Variants in EIF3E observed in about 807,000 individuals in gnomAD.
EIF3E encodes the protein eIF-3 p48.
A neutral mutation model predicts 59.3 loss-of-function variants in EIF3E; 25 were observed. That is an observed-to-expected ratio of 0.42 (90% CI 0.31 to 0.59). The LOEUF is 0.59. Ranked by LOEUF, EIF3E falls within the 20% of genes least tolerant of loss-of-function variation. The pLI, the probability that EIF3E is intolerant of heterozygous loss-of-function variation, is 0.15. For synonymous variants in EIF3E, 176 were observed against 170.2 expected (o/e 1.03, Z -0.26); for missense variants, 317 against 534.3 (o/e 0.59, Z 4.01).
intron 10 of EIF3E, among the ~76,000 whole-genome samples, chr8:108,210,246 A>G (rs2129851941): frequency 6.6e-6 from 1 of 152,320 alleles, no homozygotes; most frequent in Non-Finnish European, 1.5e-5. Context: ...ACTAATTTAC[A>G]GCAATGATTC....
intron 10 of EIF3E, among the ~76,000 whole-genome samples, chr8:108,211,920 T>G (rs889877469): frequency 9.2e-5 from 14 of 152,252 alleles, no homozygotes; most frequent in African/African-American, 3.1e-4. Context: ...ATCTTTATCC[T>G]CTGGCTCAAC....
At chr8:108,241,078 CAT>C (rs1199965160) in intron 2 of EIF3E, among the ~76,000 whole-genome samples, 3 of 152,148 alleles carry the variant, frequency 2.0e-5, no homozygotes, top group East Asian at 1.9e-4. Context: ...ACAAGTCAAA[CAT>C]GTGGATTATG....
intron 7 of EIF3E, among the ~76,000 whole-genome samples, chr8:108,218,255 C>G (rs555555417): frequency 1.3e-5 from 2 of 152,236 alleles, no homozygotes; most frequent in Admixed American, 1.3e-4. Context: ...CATCTCCCAT[C>G]ACACTACCAT....
At chr8:108,219,285 TTGTTTC>T (rs1815362255) in intron 7 of EIF3E, among the ~76,000 whole-genome samples, 1 of 152,186 alleles carries the variant, frequency 6.6e-6, no homozygotes, top group African/African-American at 2.4e-5. Context: ...AATCTACTCT[TTGTTTC>T]TGTGAGTGTA....
chr8:108,226,016 C>T (rs1165540417), intron 7 of EIF3E, among the ~76,000 whole-genome samples: 1 of 152,010 alleles, frequency 6.6e-6, no homozygotes, highest in Non-Finnish European at 1.5e-5. Flanking sequence ...TTGGAAACTA[C>T]GACTTTAAAA....
chr8:108,248,676 G>A lies in EIF3E; in HGVS notation c.27C>T (p.Arg9=). The part of the protein sequence containing the change: MAEYDLTT[R]IAHFLDRHLV... ...GATGCCGATCCAAAAAGTGCGCGAT[G>A]CGAGTAGTCAAGTCGTACTCCGCCA... The change falls in exon 1 of 13, where the codon CGC becomes CGT. Residue 9 remains arginine (R), a synonymous_variant. Coordinates refer to ENST00000220849, the MANE Select transcript of EIF3E (RefSeq NM_001568.3). 6.2e-7 allele frequency: 1 copy of A among 1,614,184 alleles called. No homozygotes were observed. Among genetic ancestry groups the A allele is most frequent in the Non-Finnish European group, 8.5e-7 (1 of 1,180,026 alleles).
At chr8:108,227,127 C>A (rs1815530419) in intron 7 of EIF3E, 2 of 152,096 alleles carry the variant, frequency 1.3e-5, no homozygotes, top group South Asian at 2.1e-4. Context: ...GAGTTTGAGA[C>A]CAGCCTGCAC....
At chr8:108,207,789 C>T (rs1465344098) in intron 10 of EIF3E, among the ~76,000 whole-genome samples, 1 of 152,118 alleles carries the variant, frequency 6.6e-6, no homozygotes, top group Non-Finnish European at 1.5e-5. Context: ...TTCTTAAGTG[C>T]TATTTCAAAA....
intron 2 of EIF3E, among the ~76,000 whole-genome samples, chr8:108,241,242 A>C (rs1386894552): frequency 6.6e-6 from 1 of 152,160 alleles, no homozygotes; most frequent in Non-Finnish European, 1.5e-5. Flanking sequence ...GGAACCTTTA[A>C]AAATGTAATG....
Position 108,203,593 on chromosome 8 carries a change from T to C in EIF3E, c.1062-90A>G, listed in dbSNP as rs1398305415. On this transcript the variant is annotated intron_variant, in intron 10 of 12. Coordinates refer to ENST00000220849, the MANE Select transcript of EIF3E (RefSeq NM_001568.3). ...AGTGTTGACTCACACTCTGCATAGATACTTTTTGGTATTTCTGGATCACCC... is the reference window on the plus strand; with the variant it reads ...AGTGTTGACTCACACTCTGCATAGACACTTTTTGGTATTTCTGGATCACCC... 8.1e-6 allele frequency: 8 copies of C among 981,940 alleles called. No individual in the cohort carries two copies. The Admixed American group carries it at 1.5e-4, about 19-fold the overall frequency. The allele number at this position is 981,940 out of a possible 1,614,324, so 60.8% of individuals were successfully genotyped here.
intron 5 of EIF3E, among the ~76,000 whole-genome samples, chr8:108,230,389 A>C (rs1224575558): frequency 1.3e-5 from 2 of 152,170 alleles, no homozygotes; most frequent in East Asian, 3.8e-4. Context: ...GAACTTGGTA[A>C]ATCTGAGTTA....
chr8:108,209,755 T>A (rs1299338462), intron 10 of EIF3E, among the ~76,000 whole-genome samples: 1 of 152,174 alleles, frequency 6.6e-6, no homozygotes, highest in Admixed American at 6.5e-5. Flanking sequence ...ATGTTTTGCA[T>A]ATTCTCAAAG....
intron 1 of EIF3E, among the ~76,000 whole-genome samples, chr8:108,243,787 TCA>T (rs1815892515): frequency 6.6e-6 from 1 of 152,118 alleles, no homozygotes; most frequent in African/African-American, 2.4e-5. Flanking sequence ...TGAATGAACG[TCA>T]TATCTGATAA....
At chr8:108,232,076 A>G (rs1404291726) in intron 5 of EIF3E, among the ~76,000 whole-genome samples, 1 of 152,198 alleles carries the variant, frequency 6.6e-6, no homozygotes, top group African/African-American at 2.4e-5. Context: ...TTAACTAAAA[A>G]GTAAAACACT....
chr8:108,247,182 C>G (rs1229580272), intron 1 of EIF3E, among the ~76,000 whole-genome samples: 1 of 152,092 alleles, frequency 6.6e-6, no homozygotes, highest in Non-Finnish European at 1.5e-5. Context: ...TCGTCTAGCC[C>G]TATGAAAATC....
intron 7 of EIF3E, among the ~76,000 whole-genome samples, chr8:108,225,617 GTTTTA>G (rs1454314670): frequency 2.6e-5 from 4 of 151,488 alleles, no homozygotes; most frequent in African/African-American, 9.8e-5. Context: ...TTCTTGTTGA[GTTTTA>G]TTTTATCTGT....
chr8:108,218,950 A>C (rs1815355855), intron 7 of EIF3E, among the ~76,000 whole-genome samples: 1 of 151,514 alleles, frequency 6.6e-6, no homozygotes, highest in Non-Finnish European at 1.5e-5. Flanking sequence ...CACCTGGCTA[A>C]CTTTTTTGTA....
chr8:108,215,725 T>G (rs553023573), intron 9 of EIF3E, among the ~76,000 whole-genome samples: 9 of 152,322 alleles, frequency 5.9e-5, no homozygotes, highest in African/African-American at 2.2e-4. Context: ...TGTGCCAAAA[T>G]TTTGGTTCCA....
intron 7 of EIF3E, among the ~76,000 whole-genome samples, chr8:108,221,202 C>T (rs1162228862): frequency 6.6e-6 from 1 of 152,108 alleles, no homozygotes; most frequent in Non-Finnish European, 1.5e-5. Context: ...ATTCTGTCAC[C>T]CAGGCTGAAG....
Sources: allele counts gnomAD v4.1 joint callset (sites outside exome capture counted in the v4.1 genomes callset), GRCh38; gene constraint gnomAD v4.1.1; transcripts MANE v1.5; gene names NCBI Gene and HGNC (gene_info 2026-07-23, HGNC 2026-07-21).